SPIDR: variants seen among roughly 807,000 people sequenced by gnomAD.
The protein encoded by SPIDR is DNA repair-scaffolding protein.
In SPIDR, 93 loss-of-function variants were observed where a neutral mutation model predicts 104.6. That is an observed-to-expected ratio of 0.89 (90% CI 0.75 to 1.06). SPIDR has a LOEUF of 1.06. Among genes scored for constraint, SPIDR ranks in the 50% least tolerant of loss-of-function variants. SPIDR has a pLI of 0.00. For missense variants in SPIDR, 1,154 were observed against 1,111.2 expected (o/e 1.04, Z -0.55); for synonymous variants, 431 against 416.9 (o/e 1.03, Z -0.41).
At chr8:47,386,298 T>C (rs1180889339) in intron 5 of SPIDR, among the ~76,000 whole-genome samples, 1 of 152,218 alleles carries the variant, frequency 6.6e-6, no homozygotes, top group Middle Eastern at 3.2e-3. Flanking sequence ...CTTCATTTAT[T>C]TTCTTTTTTA....
intron 12 of SPIDR, 87 bp from the exon 13 acceptor site, chr8:47,701,634 A>T: frequency 1.5e-6 from 2 of 1,309,920 alleles, no homozygotes; most frequent in South Asian, 1.4e-5. Context: ...AAATATGTAT[A>T]TATTAAAGAG....
chr8:47,489,096 G>T (rs1341479354), intron 8 of SPIDR, among the ~76,000 whole-genome samples: 4 of 152,158 alleles, frequency 2.6e-5, no homozygotes, highest in African/African-American at 7.2e-5. Flanking sequence ...TGTATATTTA[G>T]AAAACCCCAT....
intron 8 of SPIDR, among the ~76,000 whole-genome samples, chr8:47,453,945 G>T (rs1428253121): frequency 6.6e-6 from 1 of 152,166 alleles, no homozygotes; most frequent in Non-Finnish European, 1.5e-5. Context: ...TCTTACACCA[G>T]TTAGAATGGT....
chr8:47,653,757 G>A (rs913920520), intron 10 of SPIDR, among the ~76,000 whole-genome samples: 3 of 151,796 alleles, frequency 2.0e-5, no homozygotes, highest in African/African-American at 7.3e-5. Flanking sequence ...ATGTACATAC[G>A]GAATAAGAAA....
At chr8:47,570,995 A>G (rs1287494377) in intron 8 of SPIDR, among the ~76,000 whole-genome samples, 9 of 151,910 alleles carry the variant, frequency 5.9e-5, no homozygotes, top group South Asian at 2.1e-4. Context: ...GGAAGCTGAG[A>G]CAGGAGAATT....
intron 11 of SPIDR, among the ~76,000 whole-genome samples, chr8:47,684,892 A>T (rs2077546373): frequency 1.3e-5 from 2 of 152,232 alleles, no homozygotes; most frequent in Admixed American, 1.3e-4. Flanking sequence ...AGCCAGTGGG[A>T]TTTGTACAGA....
At chr8:47,610,994 G>T (rs2063530456) in intron 10 of SPIDR, among the ~76,000 whole-genome samples, 1 of 152,112 alleles carries the variant, frequency 6.6e-6, no homozygotes, top group Admixed American at 6.6e-5. Flanking sequence ...AGAGGTCAGG[G>T]GCTGTGACTC....
chr8:47,419,685 T>C (rs1280543733), intron 7 of SPIDR, among the ~76,000 whole-genome samples: 1 of 152,196 alleles, frequency 6.6e-6, no homozygotes, highest in East Asian at 1.9e-4. Flanking sequence ...TGCTCTTGCT[T>C]TTCTAGTTCT....
intron 5 of SPIDR, among the ~76,000 whole-genome samples, chr8:47,333,462 T>C (rs1467019725): frequency 2.0e-5 from 3 of 151,848 alleles, no homozygotes; most frequent in Non-Finnish European, 4.4e-5. Flanking sequence ...CCACTACACC[T>C]GGCTAATTTT....
intron 8 of SPIDR, among the ~76,000 whole-genome samples, chr8:47,538,319 A>G (rs1177293896): frequency 2.6e-5 from 4 of 151,956 alleles, no homozygotes; most frequent in African/African-American, 9.7e-5. Flanking sequence ...CCAAGGCAAT[A>G]GATCACCTGA....
At chr8:47,401,011 A>G (rs1804932038) in intron 6 of SPIDR, among the ~76,000 whole-genome samples, 6 of 152,128 alleles carry the variant, frequency 3.9e-5, no homozygotes, top group Admixed American at 3.9e-4. Context: ...CCTCGAGAAG[A>G]GCAACTCCAA....
chr8:47,706,339 G>T (rs2081081103), intron 14 of SPIDR, among the ~76,000 whole-genome samples: 2 of 152,156 alleles, frequency 1.3e-5, no homozygotes, highest in South Asian at 4.1e-4. Flanking sequence ...CTTGCAGTGA[G>T]CCAAGACCAC....
intron 1 of SPIDR, among the ~76,000 whole-genome samples, chr8:47,265,209 T>TTTTG (rs1225755863): frequency 7.4e-6 from 1 of 135,924 alleles, no homozygotes; most frequent in Admixed American, 7.2e-5. Flanking sequence ...TTTTTTTTTT[T>TTTTG]GAGACAGTCT....
At chr8:47,465,468 C>T (rs191874668) in intron 8 of SPIDR, among the ~76,000 whole-genome samples, 101 of 152,314 alleles carry the variant, frequency 6.6e-4, no homozygotes, top group Admixed American at 2.2e-3. Flanking sequence ...GCACGTGGCT[C>T]AAGCCTGTAA....
At chr8:47,447,362 T>A (rs2070853317) in intron 8 of SPIDR, among the ~76,000 whole-genome samples, 1 of 152,030 alleles carries the variant, frequency 6.6e-6, no homozygotes, top group Admixed American at 6.6e-5. Flanking sequence ...TACAGGCGTG[T>A]GCCACCACAC....
At position 47,735,967 on chromosome 8, in the gene SPIDR, G is replaced by T; in HGVS notation, c.*517G>T. On this transcript the variant is annotated 3_prime_UTR_variant, in exon 20 of 20. Coordinates refer to ENST00000297423, the MANE Select transcript of SPIDR (RefSeq NM_001080394.4). ...AATGTTCTAGGGAACTGTATCACAG[G>T]TGAAACTGTTACCCATAAAGTGTAG... The T allele has an allele frequency of 4.6e-6, 1 of 216,052 alleles. No individual in the cohort carries two copies. The highest frequency in any genetic ancestry group is 9.4e-6 in the Non-Finnish European group (1 of 106,144). 13.4% of individuals were successfully genotyped at this position (216,052 alleles called of 1,614,324 possible).
At chr8:47,398,405 G>C (rs1486824526) in intron 6 of SPIDR, among the ~76,000 whole-genome samples, 4 of 152,136 alleles carry the variant, frequency 2.6e-5, no homozygotes, top group Non-Finnish European at 4.4e-5. Context: ...AAGTAAAATA[G>C]ATGTCAACTC....
At chr8:47,584,238 T>G (rs1278245894) in intron 8 of SPIDR, among the ~76,000 whole-genome samples, 3 of 152,226 alleles carry the variant, frequency 2.0e-5, no homozygotes, top group African/African-American at 4.8e-5. Flanking sequence ...GAAACTATGA[T>G]CTTTTGGATC....
chr8:47,690,270 TG>T (rs2078449289), intron 11 of SPIDR, among the ~76,000 whole-genome samples: 1 of 150,232 alleles, frequency 6.7e-6, no homozygotes, highest in Non-Finnish European at 1.5e-5. Flanking sequence ...TGAGAGAGTG[TG>T]TGGGGGGGGT....
Sources: allele counts gnomAD v4.1 joint callset (sites outside exome capture counted in the v4.1 genomes callset), GRCh38; gene constraint gnomAD v4.1.1; transcripts MANE v1.5; gene names NCBI Gene and HGNC (gene_info 2026-07-23, HGNC 2026-07-21).